LTV1: variants seen among roughly 807,000 people sequenced by gnomAD.
LTV1 encodes the protein LTV1 ribosome biogenesis factor, also known as protein LTV1 homolog.
A neutral mutation model predicts 59.9 loss-of-function variants in LTV1; 39 were observed. The ratio of observed to expected loss-of-function variants is 0.65; its 90% CI spans 0.50 to 0.85. The LOEUF (loss-of-function observed/expected upper bound fraction) is 0.85, where lower values mean the gene tolerates loss of function less well. Ranked by LOEUF, LTV1 falls within the 40% of genes least tolerant of loss-of-function variation. The pLI, the probability that LTV1 is intolerant of heterozygous loss-of-function variation, is 0.00. For synonymous variants in LTV1, 171 were observed against 189.5 expected (o/e 0.90, Z 0.80); for missense variants, 493 against 549.1 (o/e 0.90, Z 1.02).
rs111518655 is a variant in LTV1 at position 143,850,070 on chromosome 6, G to A, written c.310-61G>A. ...ATTGATTTGGGGGGGACTTCAACCC[G>A]GTACACTAGTTAAGAAGAATTTCCA... is the stretch of plus-strand genomic sequence containing the variant. On this transcript the variant is annotated intron_variant, in intron 3 of 10. Coordinates refer to ENST00000367576, the MANE Select transcript of LTV1 (RefSeq NM_032860.5). The A allele has an allele frequency of 1.5e-3, 1,970 of 1,350,112 alleles. 14 individuals are homozygous for A. In the African/African-American group the frequency reaches 0.022, roughly 15 times the overall value. 83.6% of individuals were successfully genotyped at this position (1,350,112 alleles called of 1,614,324 possible).
chr6:143,854,804 T>C (rs1777045499), intron 4 of LTV1, among the ~76,000 whole-genome samples: 1 of 152,230 alleles, frequency 6.6e-6, no homozygotes. Flanking sequence ...CAGTGTGGTC[T>C]GAGAGACTGT....
rs1237498046 is a variant in LTV1, at chr6:143,858,008, G to GTAA, written c.795+2_795+4dup. 5 of 1,613,988 alleles carry GTAA rather than the reference G, an allele frequency of 3.1e-6. No homozygotes were observed. The highest frequency in any genetic ancestry group is 4.2e-6 in the Non-Finnish European group (5 of 1,179,972). ...CCTACATGATGAGAGGTTTGAGAAGGTAAGGTCCCCACATAAGGGATGCTT... is the reference window on the plus strand; with the variant it reads ...CCTACATGATGAGAGGTTTGAGAAGGTAATAAGGTCCCCACATAAGGGATGCTT... On this transcript the variant is annotated splice_donor_variant, in intron 6 of 10. Transcript: ENST00000367576. LOFTEE classifies it high-confidence loss of function.
At position 143,844,710 on chromosome 6, in the gene LTV1, G is replaced by A. The variant is rs996095007; in HGVS notation, c.135+93G>A. On this transcript the variant is annotated intron_variant, in intron 2 of 10. Transcript: ENST00000367576. ...TAAATAAATAGAGTCTTAGCACGTT[G>A]CCCAGGCTGGTCTCGAACTCCTGGA... is the stretch of plus-strand genomic sequence containing the variant. The A allele has an allele frequency of 5.2e-6, 7 of 1,340,414 alleles. No homozygotes were observed. The African/African-American group carries it at 6.1e-5, about 12-fold the overall frequency. 83.0% of individuals were successfully genotyped at this position (1,340,414 alleles called of 1,614,324 possible). A position where few individuals can be genotyped will look rare whatever the true frequency, so the allele number is the denominator to read the frequency against.
chr6:143,845,278 G>A (rs986633570), intron 2 of LTV1, among the ~76,000 whole-genome samples: 13 of 151,532 alleles, frequency 8.6e-5, no homozygotes, highest in Non-Finnish European at 1.9e-4. Context: ...CAGAGTGTTG[G>A]GAAACAGAGT....
At position 143,843,366 on chromosome 6, in the gene LTV1, C is replaced by G; in HGVS notation, c.-112C>G. On this transcript the variant is annotated 5_prime_UTR_variant, in exon 1 of 11. Transcript: ENST00000367576. ...ACGTTATCGCCGGGTCCTGGGGCTG[C>G]ACGTGTGGTGAGGCCTACAGAAGCG... 3 of 1,312,366 alleles carry G rather than the reference C, an allele frequency of 2.3e-6. No individual in the cohort carries two copies. The highest frequency in any genetic ancestry group is 2.3e-5 in the South Asian group (2 of 85,220). The allele number at this position is 1,312,366 out of a possible 1,614,324, so 81.3% of individuals were successfully genotyped here.
At position 143,857,839 on chromosome 6, in the gene LTV1, A is replaced by G. The variant is rs751819525; in HGVS notation, c.627A>G (p.Leu209=). 11 of 1,613,984 alleles carry G rather than the reference A, an allele frequency of 6.8e-6. No homozygotes were observed. The East Asian group carries it at 8.9e-5, about 13-fold the overall frequency. The stretch of plus-strand genomic sequence containing the variant: ...ATGATGACTATGACTCTGCAGGCCT[A>G]TTGTCAGATGAAGACTGTATGTCTG... ...DSNDDYDSAG[L]LSDEDCMSVP... The change falls in exon 6 of 11, where the codon CTA becomes CTG. Residue 209 remains leucine (L), a synonymous_variant. Coordinates refer to ENST00000367576, the MANE Select transcript of LTV1 (RefSeq NM_032860.5). The surrounding 1 kb of genome is among the most constrained non-coding windows in gnomAD (Gnocchi z 5.2).
chr6:143,846,314 G>T (rs1012360909), intron 3 of LTV1, 90 bp downstream of exon 3: 10 of 1,229,846 alleles, frequency 8.1e-6, no homozygotes, highest in African/African-American at 1.5e-5. Flanking sequence ...AATGGTGTCC[G>T]TATGAAGAGC....
chr6:143,852,260 G>A (rs1202021945), intron 4 of LTV1, among the ~76,000 whole-genome samples: 1 of 152,178 alleles, frequency 6.6e-6, no homozygotes, highest in East Asian at 1.9e-4. Context: ...TTTAATGATT[G>A]CCATTCTAAC....
chr6:143,858,152 G>T (rs1039311447), intron 6 of LTV1, 145 bp downstream of exon 6: 1 of 740,076 alleles, frequency 1.4e-6, no homozygotes, highest in East Asian at 2.6e-5. Context: ...CTATAGGTTC[G>T]TGTAGCCAGC....
In LTV1 at chr6:143,855,302, A is replaced by G. The variant is rs917830200; in HGVS notation, c.398-2001A>G. On this transcript the variant is annotated intron_variant, in intron 4 of 10. Coordinates refer to ENST00000367576, the MANE Select transcript of LTV1 (RefSeq NM_032860.5). The surrounding 1 kb of genome is among the most constrained non-coding windows in gnomAD (Gnocchi z 4.6). ...TTTTTGCTTTCCATTTGCTTGGTAA[A>G]TATCCTCCATTCCTTTATTTTGAGT... 2.5e-4 allele frequency among the ~76,000 whole-genome samples: 38 copies of G among 152,034 alleles called. No individual in the cohort carries two copies. The highest frequency in any genetic ancestry group is 8.0e-4 in the African/African-American group (33 of 41,380).
chr6:143,848,099 C>T (rs912076317), intron 3 of LTV1, among the ~76,000 whole-genome samples: 2 of 152,188 alleles, frequency 1.3e-5, no homozygotes, highest in African/African-American at 4.8e-5. Flanking sequence ...AGTAATTTCT[C>T]TTTAAACTCT....
chr6:143,857,284 A>G lies in LTV1; in HGVS notation c.398-19A>G. On this transcript the variant is annotated intron_variant, in intron 4 of 10. Transcript: ENST00000367576. This position sits in a 1 kb window ranked among gnomAD's most constrained non-coding sequence, Gnocchi z 5.2. ...TTGCTATCTTGGGAATTACTGCTTA[A>G]TTTTTGTTTTCCTTCTAGGACCTCG... is the stretch of plus-strand genomic sequence containing the variant. 6.2e-7 allele frequency: 1 copy of G among 1,612,914 alleles called. No individual in the cohort carries two copies. The highest frequency in any genetic ancestry group is 8.5e-7 in the Non-Finnish European group (1 of 1,179,158).
Position 143,844,603 on chromosome 6 carries a change from T to C in LTV1, c.121T>C (p.Leu41=). The C allele has an allele frequency of 6.2e-7, 1 of 1,613,916 alleles. No homozygotes were observed. The highest frequency in any genetic ancestry group is 8.5e-7 in the Non-Finnish European group (1 of 1,179,946). Residue 41 remains leucine, a synonymous_variant, in exon 2 of 11, where the codon TTG becomes CTG. Coordinates refer to ENST00000367576, the MANE Select transcript of LTV1 (RefSeq NM_032860.5). The part of the protein sequence containing the change: ...ADESAPQRVL[L]PTQKIDNEER... The stretch of plus-strand genomic sequence containing the variant: ...TGAGAGTGCACCCCAGAGGGTTCTA[T>C]TGCCCACACAAAAAGTAGGTCCTGT...
intron 4 of LTV1, among the ~76,000 whole-genome samples, chr6:143,856,328 A>G (rs548906540): frequency 1.7e-4 from 26 of 152,252 alleles, no homozygotes; most frequent in African/African-American, 6.0e-4. Flanking sequence ...CTAGTTAGCA[A>G]TTCCTCTAAC....
chr6:143,858,178 A>G (rs1395159874), intron 6 of LTV1, 171 bp downstream of exon 6: 2 of 657,898 alleles, frequency 3.0e-6, no homozygotes, highest in Non-Finnish European at 5.4e-6. Context: ...GCAGAAGGGT[A>G]TCAGTGCAGT....
chr6:143,859,945 A>T (rs1024737074), intron 6 of LTV1, among the ~76,000 whole-genome samples: 6 of 152,148 alleles, frequency 3.9e-5, no homozygotes, highest in Non-Finnish European at 8.8e-5. Context: ...ATTTAAAAAA[A>T]TAAATAAAAT....
At position 143,863,018 on chromosome 6, in the gene LTV1, T is replaced by C; in HGVS notation, c.1117-68T>C. 6.8e-7 allele frequency: 1 copy of C among 1,467,006 alleles called. No individual in the cohort carries two copies. Among genetic ancestry groups the C allele is most frequent in the African/African-American group, 1.4e-5 (1 of 71,782 alleles). The allele number at this position is 1,467,006 out of a possible 1,614,324, so 90.9% of individuals were successfully genotyped here. A position where few individuals can be genotyped will look rare whatever the true frequency, so the allele number is the denominator to read the frequency against. On this transcript the variant is annotated intron_variant, in intron 9 of 10. Transcript: ENST00000367576. This position sits in a 1 kb window ranked among gnomAD's most constrained non-coding sequence, Gnocchi z 4.5. ...GATATTAGAAAAAGCATCAACAGTATGTCATTAATGAGCTATTTTTTAATA... is the reference window on the plus strand; with the variant it reads ...GATATTAGAAAAAGCATCAACAGTACGTCATTAATGAGCTATTTTTTAATA...
At chr6:143,858,490 CAGATT>C (rs1337772175) in intron 6 of LTV1, 2 of 158,996 alleles carry the variant, frequency 1.3e-5, no homozygotes, top group African/African-American at 4.8e-5. Flanking sequence ...GGATTTGTCT[CAGATT>C]AGAATGTGAA....
intron 3 of LTV1, 42 bp from the exon 4 acceptor site, chr6:143,850,089 A>T (rs748674853): frequency 1.0e-4 from 160 of 1,528,000 alleles, no homozygotes; most frequent in Non-Finnish European, 1.3e-4. Flanking sequence ...GTTAAGAAGA[A>T]TTTCCAAATA....
Sources: allele counts gnomAD v4.1 joint callset (sites outside exome capture counted in the v4.1 genomes callset), GRCh38; gene constraint gnomAD v4.1.1; non-coding constraint Gnocchi (gnomAD v3.1); transcripts MANE v1.5; gene names NCBI Gene and HGNC (gene_info 2026-07-23, HGNC 2026-07-21).